Variants in COPS9 observed in about 807,000 individuals in gnomAD.
COPS9 encodes the protein COP9 signalosome subunit 9.
Under a neutral mutation model 7.2 loss-of-function variants are expected in COPS9, and 8 were observed. The ratio of observed to expected loss-of-function variants is 1.11; its 90% CI spans 0.65 to 2.00. The LOEUF (loss-of-function observed/expected upper bound fraction) is 2.00. Ranked by LOEUF, COPS9 falls within the 30% of genes most tolerant of loss-of-function variation. The probability of loss-of-function intolerance (pLI) is 0.00; values close to 1 mark genes in which losing one functional copy is unlikely to be tolerated. For synonymous variants in COPS9, 39 were observed against 28.7 expected (o/e 1.36, Z -1.14); for missense variants, 74 against 77.7 (o/e 0.95, Z 0.18).
downstream of COPS9, among the ~76,000 whole-genome samples, chr2:240,128,514 T>A (rs548831792): frequency 2.0e-5 from 3 of 152,148 alleles, no homozygotes; most frequent in South Asian, 2.1e-4. Context: ...CCCGCAGAGC[T>A]GTGCTGCCTT....
chr2:240,126,881 G>A (rs1181978854), downstream of COPS9: 1 of 1,614,132 alleles, frequency 6.2e-7, no homozygotes, highest in South Asian at 1.1e-5. Flanking sequence ...CCTGCCCATG[G>A]CCTGTGCTCC....
At chr2:240,136,001 C>G (rs78169596) in intron 1 of COPS9, 9,680 of 708,812 alleles carry the variant, frequency 0.014, 118 homozygotes, top group East Asian at 0.048. Flanking sequence ...TCCTGGTCCC[C>G]CGGGCTAGGG....
upstream of COPS9, chr2:240,136,342 C>T (rs1233705341): frequency 1.3e-6 from 2 of 1,511,544 alleles, no homozygotes; most frequent in South Asian, 1.3e-5. Flanking sequence ...CCGGCGCGCG[C>T]CACATGGCAG....
downstream of COPS9, chr2:240,130,019 T>C: frequency 6.2e-7 from 1 of 1,612,892 alleles, no homozygotes; most frequent in Non-Finnish European, 8.5e-7. Flanking sequence ...TCCTGGGCAG[T>C]CCTGAGCTGC....
At chr2:240,128,934 C>A (rs574460864), downstream of COPS9, among the ~76,000 whole-genome samples, 1 of 152,244 alleles carries the variant, frequency 6.6e-6, no homozygotes, top group Middle Eastern at 3.2e-3. Context: ...GACATGCACA[C>A]ATGTGCAGAC....
intron 2 of COPS9, among the ~76,000 whole-genome samples, chr2:240,131,529 G>A (rs562555266): frequency 5.9e-4 from 90 of 152,328 alleles, no homozygotes; most frequent in African/African-American, 1.9e-3. Context: ...GCCGGCTGCC[G>A]CTGTGAGCAT....
chr2:240,129,968 C>T, downstream of COPS9: 2 of 1,614,032 alleles, frequency 1.2e-6, no homozygotes. Flanking sequence ...GCTCCGACTG[C>T]CCTCGCTGCA....
downstream of COPS9, chr2:240,129,903 C>G (rs186457610): frequency 6.2e-7 from 1 of 1,612,972 alleles, no homozygotes; most frequent in Non-Finnish European, 8.5e-7. Flanking sequence ...CAGAGATGCA[C>G]TTCTTACCTC....
At position 240,130,934 on chromosome 2, in the gene COPS9, G is replaced by C; in HGVS notation, c.*117C>G. On this transcript the variant is annotated 3_prime_UTR_variant, in exon 3 of 3. Transcript: ENST00000607357. The stretch of plus-strand genomic sequence containing the variant: ...ACAGTCTTATCTTTCTGGTTAACCA[G>C]GTCCTAAATTCAAGGGATTTCCACG... 6.7e-7 allele frequency: 1 copy of C among 1,500,168 alleles called. No homozygotes were observed. Among genetic ancestry groups the C allele is most frequent in the Non-Finnish European group, 8.9e-7 (1 of 1,124,346 alleles). 92.9% of individuals were successfully genotyped at this position (1,500,168 alleles called of 1,614,324 possible).
At chr2:240,131,208 A>G in intron 2 of COPS9, 120 bp from the exon 3 acceptor site, 1 of 1,184,444 alleles carries the variant, frequency 8.4e-7, no homozygotes, top group East Asian at 2.5e-5. Context: ...ATCCAATGAA[A>G]TAAAAGACTT....
chr2:240,135,932 G>A (rs1161597174), intron 1 of COPS9: 2 of 463,650 alleles, frequency 4.3e-6, no homozygotes, highest in Non-Finnish European at 7.5e-6. Flanking sequence ...CTCTGACCAC[G>A]GGTGTGTTCC....
At chr2:240,126,954 A>C, downstream of COPS9, 1 of 1,606,568 alleles carries the variant, frequency 6.2e-7, no homozygotes. Flanking sequence ...GGGAGAGACA[A>C]GGAAGCTCGT....
downstream of COPS9, chr2:240,126,854 C>T (rs749835089): frequency 1.9e-6 from 3 of 1,614,076 alleles, no homozygotes; most frequent in South Asian, 2.2e-5. Context: ...ATCTGGTAAA[C>T]ATTAGCGCCT....
At chr2:240,129,764 ACCCTCT>A (rs1192218059), downstream of COPS9, 3 of 630,152 alleles carry the variant, frequency 4.8e-6, no homozygotes, top group Non-Finnish European at 8.4e-6. Flanking sequence ...GAAAAACCCC[ACCCTCT>A]CCAAGTGCAG....
upstream of COPS9, chr2:240,136,324 A>G (rs2071992161): frequency 6.5e-7 from 1 of 1,528,354 alleles, no homozygotes; most frequent in African/African-American, 1.4e-5. Flanking sequence ...CCGGCCTCAG[A>G]GCCGCTTCCG....
Position 240,136,024 on chromosome 2 carries a change from G to A in COPS9, c.63+198C>T, listed in dbSNP as rs992470385. The A allele has an allele frequency of 4.5e-6, 4 of 888,204 alleles. No individual in the cohort carries two copies. The African/African-American group carries it at 7.1e-5, about 16-fold the overall frequency. The allele number at this position is 888,204 out of a possible 1,614,324, so 55.0% of individuals were successfully genotyped here. On this transcript the variant is annotated intron_variant, in intron 1 of 2. Coordinates refer to ENST00000607357, the MANE Select transcript of COPS9 (RefSeq NM_001163424.2). Reference sequence around the variant, plus strand: ...CCCCGGGCTAGGGCACACGCTTCCCGCCGCGGTCGGTCGCCGCCTTTCACC... The same window carrying A: ...CCCCGGGCTAGGGCACACGCTTCCCACCGCGGTCGGTCGCCGCCTTTCACC...
At chr2:240,131,193 C>G (rs2071918633) in intron 2 of COPS9, 105 bp from the exon 3 acceptor site, 3 of 1,244,242 alleles carry the variant, frequency 2.4e-6, no homozygotes, top group Admixed American at 4.5e-5. Flanking sequence ...AGATAATCGT[C>G]AATGATCCAA....
downstream of COPS9, chr2:240,126,626 T>C (rs747071799): frequency 4.3e-6 from 7 of 1,614,192 alleles, no homozygotes; most frequent in Non-Finnish European, 5.9e-6. Flanking sequence ...CAACGGATGG[T>C]GTTTCATCAC....
intron 2 of COPS9, among the ~76,000 whole-genome samples, chr2:240,131,717 T>C (rs1265371161): frequency 2.6e-5 from 4 of 152,186 alleles, no homozygotes; most frequent in African/African-American, 9.7e-5. Context: ...TGTCCTTCTG[T>C]TTAGTCTTCT....
Sources: allele counts gnomAD v4.1 joint callset (sites outside exome capture counted in the v4.1 genomes callset), GRCh38; gene constraint gnomAD v4.1.1; transcripts MANE v1.5; gene names NCBI Gene and HGNC (gene_info 2026-07-23, HGNC 2026-07-21).